The following TRIM33 variants were observed in gnomAD, a reference collection of about 807,000 sequenced individuals.
TRIM33 encodes tripartite motif containing 33, also known as E3 ubiquitin-protein ligase TRIM33.
Under a neutral mutation model 125.4 loss-of-function variants are expected in TRIM33, and 20 were observed. The observed-to-expected ratio is 0.16, with a 90% CI of 0.11 to 0.23. The LOEUF (loss-of-function observed/expected upper bound fraction) is 0.23, where lower values mean the gene tolerates loss of function less well. Among genes scored for constraint, TRIM33 ranks in the 10% least tolerant of loss-of-function variants. The pLI, the probability that TRIM33 is intolerant of heterozygous loss-of-function variation, is 1.00. For synonymous variants in TRIM33, 564 were observed against 513.9 expected (o/e 1.10, Z -1.32); for missense variants, 920 against 1,411.4 (o/e 0.65, Z 5.58).
chr1:114,419,873 C>T (rs1653169282), intron 11 of TRIM33, among the ~76,000 whole-genome samples: 1 of 152,102 alleles, frequency 6.6e-6, no homozygotes, highest in South Asian at 2.1e-4. Flanking sequence ...CTTAAATATA[C>T]ACACTTACTT....
At chr1:114,411,094 C>G (rs932818068) in intron 11 of TRIM33, among the ~76,000 whole-genome samples, 10 of 152,146 alleles carry the variant, frequency 6.6e-5, no homozygotes, top group African/African-American at 2.2e-4. Flanking sequence ...GACTGAAGAG[C>G]AGTGGCATCA....
At chr1:114,451,560 A>G (rs1335349433) in intron 4 of TRIM33, among the ~76,000 whole-genome samples, 2 of 152,226 alleles carry the variant, frequency 1.3e-5, no homozygotes, top group South Asian at 2.1e-4. Context: ...ATGCAGTTCT[A>G]TAGCTGCTTT....
chr1:114,501,581 C>T (rs1652722429), intron 1 of TRIM33, among the ~76,000 whole-genome samples: 1 of 152,128 alleles, frequency 6.6e-6, no homozygotes, highest in African/African-American at 2.4e-5. Flanking sequence ...CCTTGAGCAA[C>T]TGGACAGCAA....
intron 11 of TRIM33, among the ~76,000 whole-genome samples, chr1:114,414,989 ATTTT>A (rs56960865): frequency 1.2e-4 from 13 of 104,702 alleles, no homozygotes; most frequent in South Asian, 6.7e-4. Flanking sequence ...GGTAGATTCT[ATTTT>A]TTTTTTTTTT....
chr1:114,460,009 C>T, intron 4 of TRIM33: 1 of 163,588 alleles, frequency 6.1e-6, no homozygotes, highest in Non-Finnish European at 1.4e-5. Context: ...TTCCCACATT[C>T]ATAGGAAGAT....
At chr1:114,473,896 T>G (rs942829113) in intron 1 of TRIM33, among the ~76,000 whole-genome samples, 3 of 152,174 alleles carry the variant, frequency 2.0e-5, no homozygotes, top group African/African-American at 7.2e-5. Context: ...TATACTGCTA[T>G]ATACTGTTTA....
intron 1 of TRIM33, among the ~76,000 whole-genome samples, chr1:114,505,187 A>G (rs1652921566): frequency 6.6e-6 from 1 of 152,200 alleles, no homozygotes; most frequent in African/African-American, 2.4e-5. Flanking sequence ...TTTGACCACA[A>G]TGCTAGACAG....
At chr1:114,430,962 G>T in intron 5 of TRIM33, 50 bp from the exon 6 acceptor site, 2 of 1,039,506 alleles carry the variant, frequency 1.9e-6, no homozygotes, top group Non-Finnish European at 1.5e-6. Flanking sequence ...CTAGGTCTCT[G>T]AATCATCAAC....
intron 4 of TRIM33, among the ~76,000 whole-genome samples, chr1:114,453,620 CTT>C (rs1470896348): frequency 6.6e-6 from 1 of 152,190 alleles, no homozygotes; most frequent in Non-Finnish European, 1.5e-5. Flanking sequence ...ATGAAATTAT[CTT>C]TGTTTGCCTG....
chr1:114,486,657 C>G (rs1035488687), intron 1 of TRIM33, among the ~76,000 whole-genome samples: 1 of 150,652 alleles, frequency 6.6e-6, no homozygotes, highest in Non-Finnish European at 1.5e-5. Context: ...CAGGCAAAAT[C>G]AAGAGACCAA....
At chr1:114,465,749 T>C (rs1371712438) in intron 1 of TRIM33, among the ~76,000 whole-genome samples, 2 of 151,920 alleles carry the variant, frequency 1.3e-5, no homozygotes, top group African/African-American at 4.8e-5. Flanking sequence ...GGTATAAAAA[T>C]AAATAAAAAG....
intron 4 of TRIM33, chr1:114,460,192 A>G (rs541136536): frequency 2.4e-5 from 5 of 204,494 alleles, no homozygotes; most frequent in Admixed American, 4.5e-5. Flanking sequence ...CCATGGGAAA[A>G]GGCTAATGGC....
intron 1 of TRIM33, among the ~76,000 whole-genome samples, chr1:114,494,242 T>A (rs943381909): frequency 4.6e-5 from 7 of 152,116 alleles, no homozygotes; most frequent in African/African-American, 1.7e-4. Context: ...ATTACAGGTA[T>A]GAACCACCAT....
intron 10 of TRIM33, among the ~76,000 whole-genome samples, chr1:114,422,404 C>G (rs1647259505): frequency 6.6e-6 from 1 of 151,940 alleles, no homozygotes; most frequent in Admixed American, 6.6e-5. Flanking sequence ...ACTTGAAGGC[C>G]TTCCATGAAC....
chr1:114,397,441 C>T lies in TRIM33; in HGVS notation c.*207G>A, dbSNP rs2101071912. 1.8e-6 allele frequency: 1 copy of T among 549,474 alleles called. No individual in the cohort carries two copies. The highest frequency in any genetic ancestry group is 3.2e-6 in the Non-Finnish European group (1 of 311,820). The allele number at this position is 549,474 out of a possible 1,614,324, so 34.0% of individuals were successfully genotyped here. ...TGCTTTTTGCTTTGAAACTTGCAAA[C>T]AGACTTCTCTCCCCCTTTCTTGACA... On this transcript the variant is annotated 3_prime_UTR_variant, in exon 20 of 20. Transcript: ENST00000358465.
Position 114,424,589 on chromosome 1 carries a change from A to G in TRIM33, c.1860+2T>C. ...TTCTTACAAATGTAACTCTAGGCAT[A>G]CTTGTCTTTGGAGGTGTGGCTGCAT... On this transcript the variant is annotated splice_donor_variant, in intron 10 of 19. Coordinates refer to ENST00000358465, the MANE Select transcript of TRIM33 (RefSeq NM_015906.4). LOFTEE classifies it high-confidence loss of function. 1 of 1,566,234 alleles carries G rather than the reference A, an allele frequency of 6.4e-7. No homozygotes were observed. Among genetic ancestry groups the G allele is most frequent in the Non-Finnish European group, 8.6e-7 (1 of 1,160,304 alleles).
At chr1:114,431,027 T>C (rs924568922) in intron 5 of TRIM33, 115 bp from the exon 6 acceptor site, 7 of 679,236 alleles carry the variant, frequency 1.0e-5, no homozygotes, top group Non-Finnish European at 1.8e-5. Flanking sequence ...AATGAAAACT[T>C]TGTCAAAATG....
intron 1 of TRIM33, among the ~76,000 whole-genome samples, chr1:114,482,523 AAG>A (rs1651423337): frequency 6.6e-6 from 1 of 152,190 alleles, no homozygotes; most frequent in Admixed American, 6.5e-5. Context: ...CTAAAAAGAA[AAG>A]AGAGCACATT....
At chr1:114,454,702 A>C (rs1420126754) in intron 4 of TRIM33, among the ~76,000 whole-genome samples, 1 of 151,912 alleles carries the variant, frequency 6.6e-6, no homozygotes, top group Admixed American at 6.6e-5. Context: ...TTAATGAAAC[A>C]ATTCCTTTGT....
Sources: allele counts gnomAD v4.1 joint callset (sites outside exome capture counted in the v4.1 genomes callset), GRCh38; gene constraint gnomAD v4.1.1; transcripts MANE v1.5; gene names NCBI Gene and HGNC (gene_info 2026-07-23, HGNC 2026-07-21).